The following CYP2J2 variants were observed in gnomAD, a reference collection of about 807,000 sequenced individuals.
The protein encoded by CYP2J2 is cytochrome P450 2J2.
Under a neutral mutation model 48.8 loss-of-function variants are expected in CYP2J2, and 41 were observed. The ratio of observed to expected loss-of-function variants is 0.84; its 90% CI spans 0.66 to 1.09. The LOEUF (loss-of-function observed/expected upper bound fraction) is 1.09. Ranked by LOEUF, CYP2J2 falls within the 50% of genes least tolerant of loss-of-function variation. The pLI, the probability that CYP2J2 is intolerant of heterozygous loss-of-function variation, is 0.00. For missense variants in CYP2J2, 644 were observed against 617.3 expected, an observed-to-expected ratio of 1.04 and a Z score of -0.46; for synonymous variants, 221 against 227.1, an observed-to-expected ratio of 0.97 and a Z score of 0.24.
At chr1:59,901,711 A>G (rs1323766345) in intron 7 of CYP2J2, among the ~76,000 whole-genome samples, 1 of 152,180 alleles carries the variant, frequency 6.6e-6, no homozygotes, top group African/African-American at 2.4e-5. Context: ...CCAACCCATC[A>G]GTGAGACTGG....
At chr1:59,931,208 A>C (rs1644601298), upstream of CYP2J2, among the ~76,000 whole-genome samples, 1 of 152,156 alleles carries the variant, frequency 6.6e-6, no homozygotes, top group Non-Finnish European at 1.5e-5. Context: ...AACCACCAGT[A>C]CCACAGTAGG....
chr1:59,955,169 A>ATAAATAAATAAT, the CYP2J2 span, among the ~76,000 whole-genome samples: 54 of 147,772 alleles, frequency 3.7e-4, 1 homozygote, highest in African/African-American at 1.2e-3. Context: ...AAATAAATAA[A>ATAAATAAATAAT]TAATTAAAAA....
At chr1:59,948,827 C>T in the CYP2J2 span, among the ~76,000 whole-genome samples, 1 of 152,088 alleles carries the variant, frequency 6.6e-6, no homozygotes, top group Admixed American at 6.6e-5. Context: ...TGTAGTGCAA[C>T]CCTTGGTGCA....
At position 59,893,760 on chromosome 1, in the gene CYP2J2, TG is replaced by T. The variant is rs1262171373; in HGVS notation, c.1399del (p.Gln467LysfsTer13). The part of the protein sequence containing the change: ...ELFIFFTSLM[Q>X]KFTFRPPNNE... ...GTTTGGGGGCCTGAAGGTAAATTTT[TG>T]CATAAGGGAAGTGAAGAAAATAAAC... On this transcript the variant is annotated frameshift_variant, in exon 9 of 9. Coordinates refer to ENST00000371204, the MANE Select transcript of CYP2J2 (RefSeq NM_000775.4). LOFTEE classifies it low-confidence loss of function (END_TRUNC). The T allele has an allele frequency of 6.2e-7, 1 of 1,613,616 alleles. No homozygotes were observed. Among genetic ancestry groups the T allele is most frequent in the Non-Finnish European group, 8.5e-7 (1 of 1,179,784 alleles).
the CYP2J2 span, among the ~76,000 whole-genome samples, chr1:59,967,959 CA>C: frequency 6.6e-6 from 1 of 152,206 alleles, no homozygotes; most frequent in Non-Finnish European, 1.5e-5. Context: ...GTGAGTCTCA[CA>C]TTTTTCCAGT....
chr1:59,954,288 A>T, the CYP2J2 span, among the ~76,000 whole-genome samples: 3 of 152,204 alleles, frequency 2.0e-5, no homozygotes, highest in African/African-American at 7.2e-5. Flanking sequence ...CTATTGTGAC[A>T]AATACACATT....
chr1:59,907,681 C>T (rs1644376210), intron 6 of CYP2J2, 105 bp downstream of exon 6: 1 of 1,263,360 alleles, frequency 7.9e-7, no homozygotes. Context: ...ACTGTTCTGC[C>T]TCTCTTTTCA....
intron 1 of CYP2J2, among the ~76,000 whole-genome samples, chr1:59,916,791 A>G (rs535188245): frequency 2.8e-4 from 43 of 152,236 alleles, no homozygotes; most frequent in African/African-American, 1.0e-3. Context: ...TCTAGTGAAT[A>G]GAGAGAATTC....
At position 59,916,991 on chromosome 1, in the gene CYP2J2, A is replaced by C. The variant is rs576634375; in HGVS notation, c.211-891T>G. 3.9e-5 allele frequency among the ~76,000 whole-genome samples: 6 copies of C among 152,180 alleles called. No homozygotes were observed. In the South Asian group the frequency reaches 1.2e-3, roughly 32 times the overall value. The stretch of plus-strand genomic sequence containing the variant: ...ATAGAAACGTATGCTAGATAATACG[A>C]GGTGCATTTTAGGGCAGGTGCCAGG... On this transcript the variant is annotated intron_variant, in intron 1 of 8. Coordinates refer to ENST00000371204, the MANE Select transcript of CYP2J2 (RefSeq NM_000775.4).
At chr1:59,942,726 C>T in the CYP2J2 span, among the ~76,000 whole-genome samples, 1 of 151,784 alleles carries the variant, frequency 6.6e-6, no homozygotes, top group East Asian at 1.9e-4. Context: ...TTAGCAGTAG[C>T]AGAGGGAGGG....
chr1:59,918,981 A>G (rs1644489802), intron 1 of CYP2J2, among the ~76,000 whole-genome samples: 1 of 152,242 alleles, frequency 6.6e-6, no homozygotes, highest in Non-Finnish European at 1.5e-5. Flanking sequence ...TATAAAGTTT[A>G]CAGAGATTCC....
the CYP2J2 span, among the ~76,000 whole-genome samples, chr1:59,953,534 G>A: frequency 2.2e-4 from 33 of 152,104 alleles, no homozygotes; most frequent in Middle Eastern, 3.4e-3. Context: ...GTATGTGTGC[G>A]TGCTTATAGA....
intron 6 of CYP2J2, among the ~76,000 whole-genome samples, chr1:59,906,787 A>T (rs1183548969): frequency 6.6e-6 from 1 of 152,226 alleles, no homozygotes; most frequent in Non-Finnish European, 1.5e-5. Context: ...ACCTGGATGC[A>T]TATACCTAAA....
chr1:59,895,622 A>G (rs1024863203), intron 8 of CYP2J2, among the ~76,000 whole-genome samples: 1 of 151,912 alleles, frequency 6.6e-6, no homozygotes, highest in Non-Finnish European at 1.5e-5. Flanking sequence ...TTTCTTGACC[A>G]TATATATTTT....
At chr1:59,895,736 G>A (rs1348589347) in intron 8 of CYP2J2, among the ~76,000 whole-genome samples, 1 of 152,048 alleles carries the variant, frequency 6.6e-6, no homozygotes, top group Admixed American at 6.6e-5. Flanking sequence ...TGCCATGCTG[G>A]TGCGCTGCAC....
In CYP2J2 at chr1:59,904,924, C is replaced by T. The variant is rs745999107; in HGVS notation, c.1138G>A (p.Val380Ile). Residue 380 changes from valine (V) to isoleucine (I), a missense_variant, in exon 7 of 9, where the codon GTT becomes ATT. Val to Ile is a conservative substitution (Grantham distance 29). Transcript: ENST00000371204. ...QRMGNIIPLN[V>I]PREVTVDTTL... ...GTATCAACTGTCACTTCCCTGGGAA[C>T]GTTCAGGGGGATGATGTTGCCCATT... The T allele has an allele frequency of 5.0e-6, 8 of 1,613,586 alleles. No homozygotes were observed. In the South Asian group the frequency reaches 5.5e-5, roughly 11 times the overall value.
upstream of CYP2J2, among the ~76,000 whole-genome samples, chr1:59,931,648 A>G (rs1325879608): frequency 6.6e-6 from 1 of 152,126 alleles, no homozygotes; most frequent in Non-Finnish European, 1.5e-5. Context: ...CCCATTAATC[A>G]ATCATTACTT....
chr1:59,935,569 C>T, the CYP2J2 span, among the ~76,000 whole-genome samples: 1 of 151,878 alleles, frequency 6.6e-6, no homozygotes, highest in African/African-American at 2.4e-5. Flanking sequence ...AGCAGAAAAA[C>T]ATAAAAGATA....
In CYP2J2 at chr1:59,901,026, C is replaced by T. The variant is rs1007464108; in HGVS notation, c.1269G>A (p.Pro423=). The change falls in exon 8 of 9, where the codon CCG becomes CCA. Residue 423 remains proline, a synonymous_variant. Coordinates refer to ENST00000371204, the MANE Select transcript of CYP2J2 (RefSeq NM_000775.4). ...TEWATPDTFN[P]DHFLENGQFK... The stretch of plus-strand genomic sequence containing the variant: ...ACTGTCCATTCTCCAGAAAATGGTC[C>T]GGATTGAATGTGTCAGGGGTGGCCC... 1.7e-5 allele frequency: 27 copies of T among 1,613,936 alleles called. No homozygotes were observed. In the Middle Eastern group the frequency reaches 6.6e-4, roughly 39 times the overall value.
Sources: gnomAD v4.1 joint callset for allele counts (sites outside exome capture counted in the v4.1 genomes callset) on GRCh38, gnomAD v4.1.1 for gene constraint, MANE v1.5 for transcripts, NCBI Gene and HGNC (gene_info 2026-07-23, HGNC 2026-07-21) for gene names.